The following CFAP68 variants were observed in gnomAD, a reference collection of about 807,000 sequenced individuals.
CFAP68 encodes the protein cilia- and flagella-associated protein 68.
chr11:111,883,309 G>T, the CFAP68 span: 2 of 998,020 alleles, frequency 2.0e-6, no homozygotes, highest in East Asian at 2.6e-5. Flanking sequence ...AATAAGTGAG[G>T]CTGGGCGCAG....
At chr11:111,879,662 G>A in the CFAP68 span, 1 of 1,559,714 alleles carries the variant, frequency 6.4e-7, no homozygotes, top group Non-Finnish European at 8.8e-7. Flanking sequence ...TGTCTATTGC[G>A]TGCCAGGCCA....
At chr11:111,879,585 T>G in the CFAP68 span, 1 of 1,614,210 alleles carries the variant, frequency 6.2e-7, no homozygotes, top group Non-Finnish European at 8.5e-7. Context: ...GTGTCTCTGC[T>G]GCTCAAAATT....
the CFAP68 span, chr11:111,884,153 T>C: frequency 3.5e-6 from 1 of 284,318 alleles, no homozygotes; most frequent in Non-Finnish European, 6.6e-6. Context: ...AGTTCTACAT[T>C]TGGGGTGTTG....
the CFAP68 span, chr11:111,884,382 G>C: frequency 6.5e-6 from 1 of 152,862 alleles, no homozygotes; most frequent in Non-Finnish European, 1.4e-5. Context: ...GCTGAGGCAG[G>C]GGAATCGCTT....
chr11:111,881,657 G>T, the CFAP68 span: 1 of 1,485,278 alleles, frequency 6.7e-7, no homozygotes, highest in South Asian at 1.3e-5. Context: ...CACATTTTGG[G>T]GAAAAAGAAA....
the CFAP68 span, chr11:111,882,418 T>C: frequency 6.2e-7 from 1 of 1,614,228 alleles, no homozygotes; most frequent in Non-Finnish European, 8.5e-7. Context: ...GCAGCCTTGT[T>C]AATGCAGATG....
At chr11:111,880,995 C>A in the CFAP68 span, 1 of 314,216 alleles carries the variant, frequency 3.2e-6, no homozygotes. Flanking sequence ...AGGCTGATGG[C>A]ATGGCAGGAT....
chr11:111,885,921 AT>A, the CFAP68 span: 1 of 151,860 alleles, frequency 6.6e-6, no homozygotes, highest in Non-Finnish European at 1.5e-5. Flanking sequence ...AAAGACCATA[AT>A]TTTTTCACTC....
At chr11:111,879,631 C>T in the CFAP68 span, 1 of 1,606,236 alleles carries the variant, frequency 6.2e-7, no homozygotes, top group South Asian at 1.1e-5. Flanking sequence ...ATCTTCTATT[C>T]GTTCAAGAAA....
At chr11:111,881,707 A>T in the CFAP68 span, 9 of 1,374,614 alleles carry the variant, frequency 6.5e-6, no homozygotes, top group African/African-American at 4.4e-5. Flanking sequence ...GAAATCAGAC[A>T]TTGATCATCT....
the CFAP68 span, chr11:111,883,268 G>T: frequency 7.3e-7 from 1 of 1,378,970 alleles, no homozygotes; most frequent in Admixed American, 2.1e-5. Context: ...GCACATAGAA[G>T]GAACTCAAAT....
At chr11:111,883,023 A>G in the CFAP68 span, 1 of 829,250 alleles carries the variant, frequency 1.2e-6, no homozygotes, top group Non-Finnish European at 2.0e-6. Flanking sequence ...ACACCATAGA[A>G]CTCAGTCCAT....
chr11:111,881,785 A>G, the CFAP68 span, among the ~76,000 whole-genome samples: 2 of 152,312 alleles, frequency 1.3e-5, no homozygotes, highest in South Asian at 4.1e-4. Flanking sequence ...AATAAAACAG[A>G]TCCTGTCCTT....
chr11:111,883,946 GA>G, the CFAP68 span: 8 of 1,171,188 alleles, frequency 6.8e-6, no homozygotes, highest in African/African-American at 1.1e-4. Flanking sequence ...AGGTTTCTAA[GA>G]AATGATAAGA....
the CFAP68 span, chr11:111,879,655 C>G: frequency 7.6e-6 from 12 of 1,577,338 alleles, no homozygotes; most frequent in Admixed American, 1.5e-4. Context: ...TATTGAGTGT[C>G]TATTGCGTGC....
the CFAP68 span, chr11:111,881,741 GGGAGAACAGGCA>G: frequency 8.8e-7 from 1 of 1,140,340 alleles, no homozygotes; most frequent in Non-Finnish European, 1.2e-6. Flanking sequence ...CAGATTGATT[GGGAGAACAGGCA>G]GAAGGACAGG....
At chr11:111,883,625 A>C in the CFAP68 span, 2 of 659,218 alleles carry the variant, frequency 3.0e-6, no homozygotes, top group South Asian at 3.5e-5. Flanking sequence ...GTGAATAACT[A>C]CATGAATGAG....
chr11:111,880,386 ATTC>A, the CFAP68 span, among the ~76,000 whole-genome samples: 1 of 152,334 alleles, frequency 6.6e-6, no homozygotes, highest in South Asian at 2.1e-4. Context: ...AAGTTAAGGC[ATTC>A]TTAGTCACAG....
chr11:111,880,688 T>G, the CFAP68 span: 1 of 438,844 alleles, frequency 2.3e-6, no homozygotes, highest in Admixed American at 2.5e-5. Flanking sequence ...TCAGGGTTGC[T>G]CTGCATATGG....
Sources: allele counts gnomAD v4.1 joint callset (sites outside exome capture counted in the v4.1 genomes callset), GRCh38; gene constraint gnomAD v4.1.1; transcripts MANE v1.5; gene names NCBI Gene and HGNC (gene_info 2026-07-23, HGNC 2026-07-21).